MORC3: variants seen among roughly 807,000 people sequenced by gnomAD.
MORC3 encodes the protein MORC family CW-type zinc finger 3, also known as MORC family CW-type zinc finger protein 3.
MORC3 carries 31 observed loss-of-function variants against 109.1 expected under a neutral mutation model. That is an observed-to-expected ratio of 0.28 (90% CI 0.21 to 0.38). The LOEUF (loss-of-function observed/expected upper bound fraction) is 0.38, where lower values mean the gene tolerates loss of function less well. Among genes scored for constraint, MORC3 ranks in the 10% least tolerant of loss-of-function variants. The pLI, the probability that MORC3 is intolerant of heterozygous loss-of-function variation, is 1.00. For missense variants in MORC3, 867 were observed against 1,135.8 expected (o/e 0.76, Z 3.40); for synonymous variants, 395 against 380.7 (o/e 1.04, Z -0.44).
intron 1 of MORC3, among the ~76,000 whole-genome samples, chr21:36,324,300 A>T (rs2146283413): frequency 7.0e-6 from 1 of 143,856 alleles, no homozygotes; most frequent in African/African-American, 2.6e-5. Context: ...TTTGAGATGG[A>T]GTCTTCTCGC....
chr21:36,351,658 A>C (rs1460631289), intron 9 of MORC3, among the ~76,000 whole-genome samples: 1 of 152,184 alleles, frequency 6.6e-6, no homozygotes, highest in Admixed American at 6.6e-5. Flanking sequence ...TATGTACCAT[A>C]GTTTTTTTAT....
At chr21:36,368,935 CTA>C in intron 14 of MORC3, 51 bp from the exon 15 acceptor site, 2 of 1,423,446 alleles carry the variant, frequency 1.4e-6, no homozygotes, top group South Asian at 1.4e-5. Flanking sequence ...TCAAGGTCAT[CTA>C]TTTTGTCCAT....
intron 3 of MORC3, 74 bp from the exon 4 acceptor site, chr21:36,337,658 A>T (rs2085389158): frequency 4.8e-6 from 5 of 1,038,956 alleles, no homozygotes; most frequent in Non-Finnish European, 6.6e-6. Flanking sequence ...AAAAAAAAAG[A>T]TTATAGGTAT....
In MORC3 at chr21:36,341,563, CTT is replaced by C. The variant is rs1179016842; in HGVS notation, c.756+19_756+20del. The C allele has an allele frequency of 6.2e-7, 1 of 1,613,292 alleles. No homozygotes were observed. The highest frequency in any genetic ancestry group is 1.3e-5 in the African/African-American group (1 of 75,004). ...TCCCTGAGGGTATGTATTCAGCTCT[CTT>C]TGTGGAAGTGAGAAAATCATTGAAT... On this transcript the variant is annotated intron_variant, in intron 6 of 16. Transcript: ENST00000400485.
At chr21:36,320,897 G>A (rs1317804174) in intron 1 of MORC3, among the ~76,000 whole-genome samples, 3 of 152,204 alleles carry the variant, frequency 2.0e-5, no homozygotes, top group Non-Finnish European at 4.4e-5. Flanking sequence ...GTTTTGGGGC[G>A]TTTCGAGTTC....
At chr21:36,334,642 G>A (rs1297600910) in intron 2 of MORC3, among the ~76,000 whole-genome samples, 1 of 152,194 alleles carries the variant, frequency 6.6e-6, no homozygotes, top group East Asian at 1.9e-4. Context: ...GTAACATACA[G>A]CATGGATTCA....
Position 36,341,404 on chromosome 21 carries a change from A to G in MORC3, c.614A>G (p.Lys205Arg), listed in dbSNP as rs1342313905. ...TCTAAAAATTATTTTTACAGCTACA[A>G]AAATGCAACAGAGTTCGATTTTGAA... ...RIIIWNLRSY[K>R]NATEFDFEKD... is the part of the protein sequence containing the mutation. The change falls in exon 6 of 17, where the codon AAA becomes AGA. Residue 205 changes from lysine (K) to arginine (R), a missense_variant. Physicochemically the swap from Lys to Arg is conservative, Grantham distance 26. Coordinates refer to ENST00000400485, the MANE Select transcript of MORC3 (RefSeq NM_015358.3). 4.4e-6 allele frequency: 7 copies of G among 1,592,720 alleles called. No individual in the cohort carries two copies. Among genetic ancestry groups the G allele is most frequent in the Non-Finnish European group, 5.1e-6 (6 of 1,174,410 alleles).
intron 9 of MORC3, among the ~76,000 whole-genome samples, chr21:36,351,027 A>G (rs1056230395): frequency 6.7e-6 from 1 of 149,540 alleles, no homozygotes; most frequent in African/African-American, 2.5e-5. Flanking sequence ...ATATATATAT[A>G]AGATGTTATT....
At position 36,369,348 on chromosome 21, in the gene MORC3, C is replaced by T. The variant is rs761186510; in HGVS notation, c.1980C>T (p.Asp660=). The part of the protein sequence containing the change: ...KKEETVEDEI[D]VRNDAVILPS... ...AAGAAACTGTTGAAGACGAGATAGA[C>T]GTAAGAAATGATGCAGTGATTCTGC... Residue 660 remains aspartate, a synonymous_variant, in exon 15 of 17, where the codon GAC becomes GAT. Coordinates refer to ENST00000400485, the MANE Select transcript of MORC3 (RefSeq NM_015358.3). 71 of 1,613,962 alleles carry T rather than the reference C, an allele frequency of 4.4e-5. No homozygotes were observed. The highest frequency in any genetic ancestry group is 8.9e-5 in the East Asian group (4 of 44,894).
In MORC3 at chr21:36,369,278, C is replaced by G. The variant is rs529199394; in HGVS notation, c.1910C>G (p.Thr637Ser). 1.2e-5 allele frequency: 19 copies of G among 1,614,024 alleles called. No homozygotes were observed. The highest frequency in any genetic ancestry group is 1.6e-5 in the Non-Finnish European group (19 of 1,180,048). Residue 637 changes from threonine (T) to serine (S), a missense_variant, in exon 15 of 17, where the codon ACT becomes AGT. Coordinates refer to ENST00000400485, the MANE Select transcript of MORC3 (RefSeq NM_015358.3). The part of the protein sequence containing the change: ...TSSSRCDQGN[T>S]AATQTEVPSL... ...TCATCCCGATGCGACCAGGGAAATA[C>G]TGCAGCTACCCAGACTGAAGTACCA...
At position 36,369,011 on chromosome 21, in the gene MORC3, G is replaced by C. The variant is rs748162865; in HGVS notation, c.1643G>C (p.Arg548Pro). The change falls in exon 15 of 17, where the codon CGT becomes CCT. Residue 548 changes from arginine (R) to proline (P), a missense_variant. Physicochemically the swap from Arg to Pro is moderately radical, Grantham distance 103 (BLOSUM62 -2). This residue lies in a region of MORC3 where 486 missense variants were observed against 502.1 expected (regional missense o/e 0.97). Coordinates refer to ENST00000400485, the MANE Select transcript of MORC3 (RefSeq NM_015358.3). ...SNSLKRRLST[R>P]SSILNAKNRR... ...AGCTTGAAACGGAGACTTTCTACTC[G>C]TTCCTCAATTTTGAATGCAAAGAAT... 1.3e-5 allele frequency: 21 copies of C among 1,609,400 alleles called. No individual in the cohort carries two copies. Among genetic ancestry groups the C allele is most frequent in the Non-Finnish European group, 1.8e-5 (21 of 1,177,116 alleles).
chr21:36,330,769 G>A (rs1252454137), intron 1 of MORC3, among the ~76,000 whole-genome samples: 1 of 152,224 alleles, frequency 6.6e-6, no homozygotes, highest in Non-Finnish European at 1.5e-5. Context: ...AATGATATTT[G>A]TACAGGGGAG....
At chr21:36,346,217 C>G (rs994279090) in intron 8 of MORC3, among the ~76,000 whole-genome samples, 2 of 152,104 alleles carry the variant, frequency 1.3e-5, no homozygotes, top group African/African-American at 4.8e-5. Flanking sequence ...GACGGCTTTA[C>G]CATGTTGACC....
intron 10 of MORC3, 123 bp from the exon 11 acceptor site, chr21:36,359,832 C>G (rs74842580): frequency 1.4e-6 from 2 of 1,390,816 alleles, no homozygotes; most frequent in Non-Finnish European, 2.0e-6. Context: ...GAAAGAGTTA[C>G]GTCATAATTT....
chr21:36,354,175 T>C (rs1319971902), intron 9 of MORC3, among the ~76,000 whole-genome samples: 3 of 152,010 alleles, frequency 2.0e-5, no homozygotes, highest in African/African-American at 4.8e-5. Flanking sequence ...GTAGTCTTCG[T>C]GTTGAGTAGG....
intron 2 of MORC3, among the ~76,000 whole-genome samples, chr21:36,334,381 G>A (rs543397884): frequency 2.0e-5 from 3 of 152,264 alleles, no homozygotes; most frequent in Admixed American, 2.0e-4. Context: ...ATAGTGTTTA[G>A]GATTTACTTT....
chr21:36,356,633 G>A lies in MORC3; in HGVS notation c.1117G>A (p.Ala373Thr), dbSNP rs1398819743. Residue 373 changes from alanine (A) to threonine (T), a missense_variant, in exon 10 of 17, where the codon GCA becomes ACA. By Grantham distance (58) the Ala-to-Thr change is moderately conservative. Around this residue, in one of 7 missense-constraint regions of MORC3, gnomAD observed 120 missense variants for 259.7 expected, o/e 0.46. Transcript: ENST00000400485. ...YTNEYRLTITALGEKLNDYWN... is the reference protein window; with the variant it reads ...YTNEYRLTITTLGEKLNDYWN... ...TTACTTTTTAAGACTTACAATAACA[G>A]CACTAGGAGAAAAGCTGAATGATTA... is the stretch of plus-strand genomic sequence containing the variant. The A allele has an allele frequency of 6.3e-7, 1 of 1,593,514 alleles. No individual in the cohort carries two copies. The highest frequency in any genetic ancestry group is 8.5e-7 in the Non-Finnish European group (1 of 1,171,884).
intron 2 of MORC3, among the ~76,000 whole-genome samples, chr21:36,335,189 G>T (rs894371137): frequency 2.6e-5 from 4 of 151,964 alleles, no homozygotes; most frequent in African/African-American, 9.7e-5. Flanking sequence ...AAAAATTTAG[G>T]CATATGTTTA....
chr21:36,341,213 G>C (rs2085441704), intron 5 of MORC3, among the ~76,000 whole-genome samples, 186 bp from the exon 6 acceptor site: 1 of 152,136 alleles, frequency 6.6e-6, no homozygotes, highest in South Asian at 2.1e-4. Context: ...GAGTGTTACA[G>C]TTTCTCCACA....
Sources: allele counts gnomAD v4.1 joint callset (sites outside exome capture counted in the v4.1 genomes callset), GRCh38; gene constraint gnomAD v4.1.1; regional missense constraint gnomAD v4.1.1; transcripts MANE v1.5; gene names NCBI Gene and HGNC (gene_info 2026-07-23, HGNC 2026-07-21).